The following KDM4B variants were observed in gnomAD, a reference collection of about 807,000 sequenced individuals.
KDM4B encodes lysine-specific demethylase 4B.
KDM4B carries 32 observed loss-of-function variants against 125.2 expected under a neutral mutation model. The observed-to-expected ratio is 0.26, with a 90% CI of 0.19 to 0.34. The LOEUF (loss-of-function observed/expected upper bound fraction) is 0.34, where lower values mean the gene tolerates loss of function less well. Ranked by LOEUF, KDM4B falls within the 10% of genes least tolerant of loss-of-function variation. The pLI, the probability that KDM4B is intolerant of heterozygous loss-of-function variation, is 1.00. For missense variants in KDM4B, 1,190 were observed against 1,577.7 expected, an observed-to-expected ratio of 0.75 and a Z score of 4.16; for synonymous variants, 721 against 677.9, an observed-to-expected ratio of 1.06 and a Z score of -0.99.
At chr19:5,109,900 T>A (rs1655409208) in intron 9 of KDM4B, among the ~76,000 whole-genome samples, 1 of 152,208 alleles carries the variant, frequency 6.6e-6, no homozygotes, top group African/African-American at 2.4e-5. Context: ...ATTGCTGTTA[T>A]AAAATACTCC....
chr19:5,070,734 G>T (rs574748435), intron 6 of KDM4B: 3 of 366,932 alleles, frequency 8.2e-6, no homozygotes, highest in African/African-American at 6.3e-5. Context: ...CCGCTTAACC[G>T]GGAGCATCCC....
At position 5,114,895 on chromosome 19, in the gene KDM4B, T is replaced by C. The variant is rs2039225121; in HGVS notation, c.1115+4077T>C. Reference sequence around the variant, plus strand: ...TTCCACCTTGGAAATATTAGTGCAGTTATCTGGACTATGTCCCGACATTTG... The same window carrying C: ...TTCCACCTTGGAAATATTAGTGCAGCTATCTGGACTATGTCCCGACATTTG... On this transcript the variant is annotated intron_variant, in intron 10 of 22. Transcript: ENST00000159111. The surrounding 1 kb of genome is among the most constrained non-coding windows in gnomAD (Gnocchi z 5.8). Among the ~76,000 whole-genome samples the C allele has an allele frequency of 6.6e-6, 1 of 152,244 alleles. No individual in the cohort carries two copies. The highest frequency in any genetic ancestry group is 2.4e-5 in the African/African-American group (1 of 41,470).
intron 10 of KDM4B, chr19:5,111,755 G>A (rs748952328): frequency 1.3e-6 from 1 of 765,152 alleles, no homozygotes; most frequent in Non-Finnish European, 2.4e-6. Context: ...GCAAACATTT[G>A]TGACTTGGCG....
intron 11 of KDM4B, among the ~76,000 whole-genome samples, chr19:5,129,269 G>A (rs1187160416): frequency 6.6e-6 from 1 of 152,154 alleles, no homozygotes; most frequent in African/African-American, 2.4e-5. Flanking sequence ...GGGGCAGTGT[G>A]GCTTCCTCCT....
intron 1 of KDM4B, among the ~76,000 whole-genome samples, chr19:5,001,204 T>C (rs2035373597): frequency 6.6e-6 from 1 of 152,032 alleles, no homozygotes; most frequent in Non-Finnish European, 1.5e-5. Context: ...AGCTAATTTT[T>C]TTATGTTTTT....
At chr19:5,050,282 T>G (rs1218126081) in intron 6 of KDM4B, among the ~76,000 whole-genome samples, 1 of 152,234 alleles carries the variant, frequency 6.6e-6, no homozygotes, top group African/African-American at 2.4e-5. Context: ...GGCAGAAACA[T>G]GCTTCAAAAG....
At chr19:5,134,820 G>T (rs1427858000) in intron 14 of KDM4B, among the ~76,000 whole-genome samples, 1 of 152,202 alleles carries the variant, frequency 6.6e-6, no homozygotes, top group East Asian at 1.9e-4. Flanking sequence ...CTGTCTTGGG[G>T]CTCTGCTGCT....
At chr19:4,996,698 C>T (rs776227277) in intron 1 of KDM4B, among the ~76,000 whole-genome samples, 8 of 152,228 alleles carry the variant, frequency 5.3e-5, no homozygotes, top group Non-Finnish European at 1.0e-4. Context: ...GCTCTGGTCT[C>T]TGCCCCTCCT....
intron 6 of KDM4B, among the ~76,000 whole-genome samples, chr19:5,048,328 G>A (rs569419001): frequency 3.9e-5 from 6 of 152,298 alleles, no homozygotes; most frequent in South Asian, 4.1e-4. Flanking sequence ...ATGTGAGTGC[G>A]CACGTGAGTG....
chr19:5,116,880 A>G (rs962280933), intron 10 of KDM4B, among the ~76,000 whole-genome samples: 1 of 152,188 alleles, frequency 6.6e-6, no homozygotes, highest in Non-Finnish European at 1.5e-5. Context: ...GCGAGCAAGG[A>G]TGGCCACACC....
intron 13 of KDM4B, 62 bp downstream of exon 13, chr19:5,132,069 AG>A (rs536534325): frequency 1.9e-5 from 29 of 1,494,976 alleles, no homozygotes; most frequent in South Asian, 1.3e-4. Flanking sequence ...CTGCTGCTGG[AG>A]GGGGGGCCTG....
chr19:5,137,870 G>T, intron 17 of KDM4B, 92 bp from the exon 18 acceptor site: 1 of 1,213,048 alleles, frequency 8.2e-7, no homozygotes, highest in South Asian at 1.4e-5. Context: ...CCCAGGCCCT[G>T]ACCCAGCCGA....
rs1379273390 is a variant in KDM4B, at chr19:5,062,753, A to G, written c.627-8257A>G. Among the ~76,000 whole-genome samples the G allele has an allele frequency of 4.7e-5, 7 of 149,500 alleles. No individual in the cohort carries two copies. The East Asian group carries it at 1.2e-3, about 25-fold the overall frequency. Reference sequence around the variant, plus strand: ...TTGTTTGCTTAGATTTCCTAAGTAGAAACTTATGTTATAATTAAACTGTTT... The same window carrying G: ...TTGTTTGCTTAGATTTCCTAAGTAGGAACTTATGTTATAATTAAACTGTTT... On this transcript the variant is annotated intron_variant, in intron 6 of 22. Transcript: ENST00000159111.
At chr19:5,012,622 T>A (rs529029202) in intron 1 of KDM4B, among the ~76,000 whole-genome samples, 1 of 152,304 alleles carries the variant, frequency 6.6e-6, no homozygotes, top group Admixed American at 6.5e-5. Flanking sequence ...GCCAGGCAGA[T>A]GGTAGGGCGC....
chr19:5,115,736 C>G lies in KDM4B; in HGVS notation c.1116-3917C>G, dbSNP rs554661054. Among the ~76,000 whole-genome samples, 6 of 152,314 alleles carry G rather than the reference C, an allele frequency of 3.9e-5. No individual in the cohort carries two copies. The highest frequency in any genetic ancestry group is 1.4e-4 in the African/African-American group (6 of 41,566). On this transcript the variant is annotated intron_variant, in intron 10 of 22. Transcript: ENST00000159111. The surrounding 1 kb of genome is among the most constrained non-coding windows in gnomAD (Gnocchi z 4.2). Reference sequence around the variant, plus strand: ...TTGCATTATGGAAAAAGAGCCATTGCTGTGAAGAAGAAACATTCCAGGAAC... The same window carrying G: ...TTGCATTATGGAAAAAGAGCCATTGGTGTGAAGAAGAAACATTCCAGGAAC...
chr19:5,142,894 C>T lies in KDM4B; in HGVS notation c.2551-1073C>T, dbSNP rs1040103426. ...GCCGCTTATTAAATGCTTAGCTGGG[C>T]CTGGCGTGGGTGTGGCGGCCGCCAG... On this transcript the variant is annotated intron_variant, in intron 18 of 22. Coordinates refer to ENST00000159111, the MANE Select transcript of KDM4B (RefSeq NM_015015.3). This position sits in a 1 kb window ranked among gnomAD's most constrained non-coding sequence, Gnocchi z 5.4. Among the ~76,000 whole-genome samples, 1 of 151,884 alleles carries T rather than the reference C, an allele frequency of 6.6e-6. No homozygotes were observed. The highest frequency in any genetic ancestry group is 1.5e-5 in the Non-Finnish European group (1 of 67,974).
chr19:5,098,276 T>A (rs999909601), intron 9 of KDM4B, among the ~76,000 whole-genome samples: 1 of 152,244 alleles, frequency 6.6e-6, no homozygotes, highest in Non-Finnish European at 1.5e-5. Context: ...GTATGTTTTT[T>A]ATTTTATTTT....
intron 1 of KDM4B, among the ~76,000 whole-genome samples, chr19:4,969,490 G>T (rs1354696735): frequency 1.3e-5 from 2 of 149,180 alleles, no homozygotes; most frequent in Non-Finnish European, 3.0e-5. Flanking sequence ...CCAGGGGCGG[G>T]AGCGGGGGCC....
At chr19:5,123,886 T>C (rs1348139924) in intron 11 of KDM4B, among the ~76,000 whole-genome samples, 1 of 151,940 alleles carries the variant, frequency 6.6e-6, no homozygotes, top group Non-Finnish European at 1.5e-5. Flanking sequence ...ATGGGCGCAG[T>C]TCAGGTTCTA....
Sources: allele counts gnomAD v4.1 joint callset (sites outside exome capture counted in the v4.1 genomes callset), GRCh38; gene constraint gnomAD v4.1.1; non-coding constraint Gnocchi (gnomAD v3.1); transcripts MANE v1.5; gene names NCBI Gene and HGNC (gene_info 2026-07-23, HGNC 2026-07-21).